Variants in FRMD4A observed in about 807,000 individuals in gnomAD.
FRMD4A encodes FERM domain-containing protein 4A.
A neutral mutation model predicts 129.1 loss-of-function variants in FRMD4A; 29 were observed. The ratio of observed to expected loss-of-function variants is 0.22; its 90% CI spans 0.17 to 0.31. The LOEUF is 0.31. FRMD4A is among the 10% of genes least tolerant of loss of function. The pLI is 1.00. For synonymous variants in FRMD4A, 634 were observed against 571.6 expected (o/e 1.11, Z -1.56); for missense variants, 1,272 against 1,375.8 (o/e 0.92, Z 1.19).
chr10:13,666,266 G>A lies in FRMD4A; in HGVS notation c.1434C>T (p.Ala478=), dbSNP rs140266758. The change falls in exon 18 of 25, where the codon GCC becomes GCT. Residue 478 remains alanine (A), a synonymous_variant. Coordinates refer to ENST00000357447, the MANE Select transcript of FRMD4A (RefSeq NM_018027.5). ...EFAIQSQITE[A]ARRLASDPNV... The stretch of plus-strand genomic sequence containing the variant: ...TGGGGTCACTGGCTAGGCGGCGGGC[G>A]GCCTCCGTAATCTGGGACTGAATGG... The A allele has an allele frequency of 1.3e-4, 206 of 1,613,940 alleles. 2 individuals are homozygous for A. The South Asian group carries it at 1.8e-3, about 14-fold the overall frequency.
intron 2 of FRMD4A, among the ~76,000 whole-genome samples, chr10:13,879,241 A>G (rs2094521527): frequency 6.6e-6 from 1 of 152,278 alleles, no homozygotes; most frequent in East Asian, 1.9e-4. Context: ...TCTAAAAAAA[A>G]ATACAAAAAT....
At chr10:14,111,049 G>C (rs1025974518) in intron 2 of FRMD4A, among the ~76,000 whole-genome samples, 1 of 152,162 alleles carries the variant, frequency 6.6e-6, no homozygotes, top group African/African-American at 2.4e-5. Context: ...AAGTTCAGTA[G>C]TGTCAATTAC....
At chr10:14,212,064 T>TG (rs1842947396) in intron 2 of FRMD4A, among the ~76,000 whole-genome samples, 1 of 152,096 alleles carries the variant, frequency 6.6e-6, no homozygotes, top group African/African-American at 2.4e-5. Flanking sequence ...AAGTCTTTGT[T>TG]GGGGCTGCAG....
intron 2 of FRMD4A, among the ~76,000 whole-genome samples, chr10:13,988,991 C>T (rs569052068): frequency 5.3e-5 from 8 of 152,194 alleles, no homozygotes; most frequent in South Asian, 2.1e-4. Context: ...TATAAACTGA[C>T]GCTTGAGAAG....
intron 2 of FRMD4A, among the ~76,000 whole-genome samples, chr10:14,139,003 A>T (rs895877083): frequency 6.6e-6 from 1 of 152,214 alleles, no homozygotes; most frequent in Non-Finnish European, 1.5e-5. Flanking sequence ...CAAGTGATCC[A>T]TCATGGCTAG....
intron 12 of FRMD4A, chr10:13,710,661 G>A (rs1283105545): frequency 6.6e-6 from 1 of 152,350 alleles, no homozygotes; most frequent in African/African-American, 2.4e-5. Context: ...AAGGGTAAGA[G>A]TAAAGTGAAG....
intron 4 of FRMD4A, among the ~76,000 whole-genome samples, chr10:13,798,669 A>G (rs1006892922): frequency 1.3e-5 from 2 of 152,212 alleles, no homozygotes; most frequent in Admixed American, 6.5e-5. Context: ...GTGAGCCGAG[A>G]TGGCGCCACC....
At chr10:13,707,788 G>T in intron 12 of FRMD4A, 1 of 985,428 alleles carries the variant, frequency 1.0e-6, no homozygotes, top group Non-Finnish European at 1.2e-6. Context: ...TCGCCCGGAA[G>T]GACGCTGCGG....
At chr10:13,869,918 C>T (rs756997742) in intron 2 of FRMD4A, among the ~76,000 whole-genome samples, 10 of 152,226 alleles carry the variant, frequency 6.6e-5, no homozygotes, top group Non-Finnish European at 1.2e-4. Flanking sequence ...CCTGGAAACA[C>T]GGATATCTTT....
chr10:14,319,667 C>A (rs1426043430), intron 2 of FRMD4A, among the ~76,000 whole-genome samples: 1 of 152,178 alleles, frequency 6.6e-6, no homozygotes, highest in Admixed American at 6.5e-5. Context: ...GAATGCACCT[C>A]TCTCAGGCTT....
intron 2 of FRMD4A, among the ~76,000 whole-genome samples, chr10:14,293,384 C>A (rs1351301854): frequency 6.6e-6 from 1 of 152,102 alleles, no homozygotes; most frequent in African/African-American, 2.4e-5. Context: ...GAACTGTGAG[C>A]CAAATAAATT....
intron 2 of FRMD4A, among the ~76,000 whole-genome samples, chr10:13,999,993 C>T (rs571142803): frequency 1.2e-4 from 19 of 152,298 alleles, no homozygotes; most frequent in Admixed American, 1.0e-3. Flanking sequence ...CTTGTTTATC[C>T]TATCTTTATC....
intron 2 of FRMD4A, among the ~76,000 whole-genome samples, chr10:13,962,423 T>C (rs1399985477): frequency 1.3e-5 from 2 of 152,232 alleles, no homozygotes; most frequent in Non-Finnish European, 2.9e-5. Flanking sequence ...ATATGGTTTT[T>C]TTAGTGTCAA....
At chr10:14,058,540 C>T (rs1360122868) in intron 2 of FRMD4A, among the ~76,000 whole-genome samples, 1 of 152,030 alleles carries the variant, frequency 6.6e-6, no homozygotes, top group Non-Finnish European at 1.5e-5. Context: ...GTGGTAAAAA[C>T]TAGAAAAAAA....
chr10:14,157,778 C>T (rs373180479), intron 2 of FRMD4A, among the ~76,000 whole-genome samples: 19 of 152,144 alleles, frequency 1.2e-4, no homozygotes, highest in Non-Finnish European at 1.9e-4. Flanking sequence ...AAATTTACTA[C>T]GAATGTAGGA....
chr10:13,680,576 A>C (rs1459006157), intron 15 of FRMD4A, among the ~76,000 whole-genome samples: 2 of 152,052 alleles, frequency 1.3e-5, no homozygotes, highest in African/African-American at 4.8e-5. Context: ...AAATACAAAA[A>C]TCAGCTGGGC....
At chr10:13,853,841 A>AG in intron 3 of FRMD4A, among the ~76,000 whole-genome samples, 1 of 151,530 alleles carries the variant, frequency 6.6e-6, no homozygotes, top group East Asian at 1.9e-4. Context: ...AAAAAAAAAA[A>AG]AAAAAAAAAA....
intron 2 of FRMD4A, among the ~76,000 whole-genome samples, chr10:14,231,381 C>G (rs563268351): frequency 5.5e-4 from 82 of 148,188 alleles, no homozygotes; most frequent in Admixed American, 8.8e-4. Context: ...CTTGCTCTGT[C>G]ACCCAGGCTG....
At chr10:14,164,378 G>A (rs1201124923) in intron 2 of FRMD4A, among the ~76,000 whole-genome samples, 2 of 152,204 alleles carry the variant, frequency 1.3e-5, no homozygotes, top group African/African-American at 2.4e-5. Flanking sequence ...CTCTCATGTA[G>A]CTGGCAATGA....
Sources: gnomAD v4.1 joint callset for allele counts (sites outside exome capture counted in the v4.1 genomes callset) on GRCh38, gnomAD v4.1.1 for gene constraint, MANE v1.5 for transcripts, NCBI Gene and HGNC (gene_info 2026-07-23, HGNC 2026-07-21) for gene names.